FBXO21: variants seen among roughly 807,000 people sequenced by gnomAD.
The protein encoded by FBXO21 is F-box protein 21, also known as F-box only protein 21.
Under a neutral mutation model 76.6 loss-of-function variants are expected in FBXO21, and 32 were observed. The ratio of observed to expected loss-of-function variants is 0.42; its 90% CI spans 0.32 to 0.56. The LOEUF (loss-of-function observed/expected upper bound fraction) is 0.56. Ranked by LOEUF, FBXO21 falls within the 20% of genes least tolerant of loss-of-function variation. The pLI, the probability that FBXO21 is intolerant of heterozygous loss-of-function variation, is 0.16. For synonymous variants in FBXO21, 328 were observed against 311.5 expected (o/e 1.05, Z -0.56); for missense variants, 586 against 797.3 (o/e 0.73, Z 3.19).
At position 117,155,754 on chromosome 12, in the gene FBXO21, C is replaced by T. The variant is rs756296567; in HGVS notation, c.1675+37G>A. The T allele has an allele frequency of 4.4e-6, 7 of 1,590,062 alleles. No individual in the cohort carries two copies. The African/African-American group carries it at 9.4e-5, about 21-fold the overall frequency. ...CTCAAACGTGCGCTGAAAACACGCC[C>T]GCGGGGCCACTGGCACAAGCGGAAC... On this transcript the variant is annotated intron_variant, in intron 11 of 11. Transcript: ENST00000622495.
At chr12:117,156,854 T>A (rs1054541042) in intron 10 of FBXO21, among the ~76,000 whole-genome samples, 3 of 152,220 alleles carry the variant, frequency 2.0e-5, no homozygotes. Flanking sequence ...CAACTACATA[T>A]CATATTAGGG....
chr12:117,178,267 G>C (rs568060646), intron 3 of FBXO21, among the ~76,000 whole-genome samples: 2 of 152,166 alleles, frequency 1.3e-5, no homozygotes, highest in Admixed American at 1.3e-4. Flanking sequence ...CTTAAGACCT[G>C]TCAGCCAATG....
At chr12:117,189,151 G>A in intron 2 of FBXO21, 76 bp downstream of exon 2, 1 of 1,543,488 alleles carries the variant, frequency 6.5e-7, no homozygotes, top group South Asian at 1.1e-5. Flanking sequence ...GAAAAGAGCT[G>A]GATGAGCTCA....
intron 9 of FBXO21, 158 bp from the exon 10 acceptor site, chr12:117,158,221 CCT>C: frequency 1.3e-6 from 1 of 745,850 alleles, no homozygotes; most frequent in Non-Finnish European, 2.2e-6. Context: ...TCTGGACCAT[CCT>C]CTGATGGACC....
intron 7 of FBXO21, 23 bp downstream of exon 7, chr12:117,172,448 G>C: frequency 6.2e-7 from 1 of 1,606,746 alleles, no homozygotes; most frequent in Non-Finnish European, 8.5e-7. Context: ...CAGGACCACA[G>C]ATAATGTGTC....
chr12:117,150,956 T>TTG (rs3999685), intron 11 of FBXO21, among the ~76,000 whole-genome samples: 4,040 of 94,618 alleles, frequency 0.043, 102 homozygotes, highest in East Asian at 0.085. Context: ...TCAAATAAGT[T>TTG]TGTGTGTGTG....
chr12:117,187,340 A>G (rs1015274751), intron 2 of FBXO21, among the ~76,000 whole-genome samples: 4 of 149,494 alleles, frequency 2.7e-5, no homozygotes, highest in Non-Finnish European at 5.9e-5. Context: ...GAATCACTTG[A>G]ACCTGGGAGG....
intron 7 of FBXO21, 93 bp downstream of exon 7, chr12:117,172,378 G>GT: frequency 7.0e-7 from 1 of 1,437,344 alleles, no homozygotes; most frequent in Non-Finnish European, 9.5e-7. Context: ...AACCTGTGTG[G>GT]TAACACCCAA....
At chr12:117,182,322 T>C (rs1956242327) in intron 3 of FBXO21, among the ~76,000 whole-genome samples, 1 of 152,140 alleles carries the variant, frequency 6.6e-6, no homozygotes, top group Non-Finnish European at 1.5e-5. Context: ...AGTGAGACAC[T>C]GTCTCTACCA....
Position 117,190,355 on chromosome 12 carries a change from C to T in FBXO21, c.102G>A (p.Pro34=), listed in dbSNP as rs1000091136. 1.3e-6 allele frequency: 2 copies of T among 1,535,530 alleles called. No homozygotes were observed. Among genetic ancestry groups the T allele is most frequent in the African/African-American group, 1.4e-5 (1 of 70,182 alleles). Residue 34 remains proline, a synonymous_variant, in exon 1 of 12, where the codon CCG becomes CCA. Transcript: ENST00000622495. ...VAGLSCLVNL[P]GEVLEYILCC... is the part of the protein sequence containing the mutation. ...ACAGGATGTACTCCAGCACCTCACC[C>T]GGCAGGTTGACGAGGCAGCTGAGGC...
At chr12:117,189,174 C>G (rs1018053024) in intron 2 of FBXO21, 53 bp downstream of exon 2, 1 of 1,610,604 alleles carries the variant, frequency 6.2e-7, no homozygotes, top group African/African-American at 1.3e-5. Context: ...CCTGCAGACC[C>G]AGACACATAC....
At chr12:117,159,281 C>A (rs1279368726) in intron 9 of FBXO21, among the ~76,000 whole-genome samples, 1 of 149,756 alleles carries the variant, frequency 6.7e-6, no homozygotes, top group African/African-American at 2.5e-5. Flanking sequence ...TCAGTAATTT[C>A]TTGATCTTCA....
rs1025091898 is a variant in FBXO21 at position 117,143,544 on chromosome 12, G to C, written c.*2543C>G. The C allele has an allele frequency of 2.0e-5, 3 of 152,218 alleles. No individual in the cohort carries two copies. The highest frequency in any genetic ancestry group is 4.4e-5 in the Non-Finnish European group (3 of 68,036). The allele number at this position is 152,218 out of a possible 1,614,324, so 9.4% of individuals were successfully genotyped here. A position where few individuals can be genotyped will look rare whatever the true frequency, so the allele number is the denominator to read the frequency against. ...ACAACATGTGTTTTAACATAATTCA[G>C]AAAGTGCAATCTTTGCATGACAACC... On this transcript the variant is annotated 3_prime_UTR_variant, in exon 12 of 12. Transcript: ENST00000622495.
At chr12:117,154,139 T>A (rs917350419) in intron 11 of FBXO21, 1 of 152,214 alleles carries the variant, frequency 6.6e-6, no homozygotes, top group African/African-American at 2.4e-5. Flanking sequence ...AGTGGCCCAG[T>A]GAATCAGTCA....
Position 117,189,353 on chromosome 12 carries a change from G to C in FBXO21, c.249C>G (p.Ser83=). The C allele has an allele frequency of 6.2e-7, 1 of 1,614,100 alleles. No homozygotes were observed. The highest frequency in any genetic ancestry group is 1.1e-5 in the South Asian group (1 of 91,076). Residue 83 remains serine, a synonymous_variant, in exon 2 of 12, where the codon TCC becomes TCG. Transcript: ENST00000622495. ...WKEQFRVRWP[S]LMKHYSPTDY... Reference sequence around the variant, plus strand: ...CGGTGGGGCTGTAGTGTTTCATAAGGGAAGGCCACCTACGAGGAGAGAAAC... The same window carrying C: ...CGGTGGGGCTGTAGTGTTTCATAAGCGAAGGCCACCTACGAGGAGAGAAAC...
chr12:117,168,531 T>TA (rs1048217111), intron 7 of FBXO21, among the ~76,000 whole-genome samples: 131 of 145,742 alleles, frequency 9.0e-4, no homozygotes, highest in African/African-American at 2.8e-3. Context: ...CTCAAAAAAA[T>TA]AAAAAAAAAT....
intron 2 of FBXO21, among the ~76,000 whole-genome samples, chr12:117,188,498 T>C (rs1179454286): frequency 2.6e-5 from 4 of 151,878 alleles, no homozygotes; most frequent in Non-Finnish European, 5.9e-5. Context: ...TGAGCTGAGA[T>C]TGCGCCACTG....
intron 3 of FBXO21, among the ~76,000 whole-genome samples, chr12:117,181,632 T>C (rs537626983): frequency 2.6e-5 from 4 of 151,800 alleles, no homozygotes; most frequent in Non-Finnish European, 5.9e-5. Flanking sequence ...TATCTATCTA[T>C]CTATCTATCT....
chr12:117,176,078 T>G (rs149568721), intron 4 of FBXO21, among the ~76,000 whole-genome samples: 510 of 152,344 alleles, frequency 3.3e-3, no homozygotes, highest in African/African-American at 0.012. Flanking sequence ...TACTAGGTTT[T>G]CATACACTTG....
Sources: allele counts gnomAD v4.1 joint callset (sites outside exome capture counted in the v4.1 genomes callset), GRCh38; gene constraint gnomAD v4.1.1; transcripts MANE v1.5; gene names NCBI Gene and HGNC (gene_info 2026-07-23, HGNC 2026-07-21).